Variants in SPON1 observed in about 807,000 individuals in gnomAD.
The protein encoded by SPON1 is spondin 1, also known as spondin-1.
Under a neutral mutation model 111.7 loss-of-function variants are expected in SPON1, and 52 were observed. That is an observed-to-expected ratio of 0.47 (90% CI 0.37 to 0.59). The LOEUF is 0.59. SPON1 is among the 20% of genes least tolerant of loss of function. The pLI is 0.00. For missense variants in SPON1, 957 were observed against 1,068.5 expected (o/e 0.90, Z 1.46); for synonymous variants, 410 against 395.8 (o/e 1.04, Z -0.43).
chr11:14,117,391 G>A (rs944783712), intron 5 of SPON1, among the ~76,000 whole-genome samples: 1 of 152,106 alleles, frequency 6.6e-6, no homozygotes, highest in Non-Finnish European at 1.5e-5. Context: ...TTTCTTATGT[G>A]AATGTATATC....
At chr11:14,024,457 G>T (rs1564888188) in intron 2 of SPON1, among the ~76,000 whole-genome samples, 1 of 152,010 alleles carries the variant, frequency 6.6e-6, no homozygotes, top group Non-Finnish European at 1.5e-5. Flanking sequence ...GAGTGGGAAG[G>T]TGGTCTTCCC....
intron 5 of SPON1, among the ~76,000 whole-genome samples, chr11:14,102,679 T>C (rs1412338380): frequency 6.6e-6 from 1 of 152,248 alleles, no homozygotes; most frequent in African/African-American, 2.4e-5. Flanking sequence ...TTGACTTTCA[T>C]GACACTGATG....
In SPON1 at chr11:14,255,726, A is replaced by G; in HGVS notation, c.1172A>G (p.Asp391Gly). Reference protein sequence around the residue: ...SLDHPQSPFYDPEGGSITQVA... With the variant: ...SLDHPQSPFYGPEGGSITQVA... ...GACCATCCTCAGAGTCCTTTCTATG[A>G]CCCAGAGGGTGGGTCCATCACTCAA... Residue 391 changes from aspartate to glycine, a missense_variant, in exon 9 of 16, where the codon GAC becomes GGC. Physicochemically the swap from Asp to Gly is moderately conservative, Grantham distance 94. Around this residue, in one of 5 missense-constraint regions of SPON1, gnomAD observed 549 missense variants for 606.2 expected, o/e 0.91. Coordinates refer to ENST00000576479, the MANE Select transcript of SPON1 (RefSeq NM_006108.4). The G allele has an allele frequency of 6.2e-7, 1 of 1,613,866 alleles. No homozygotes were observed. The highest frequency in any genetic ancestry group is 8.5e-7 in the Non-Finnish European group (1 of 1,179,860).
chr11:13,993,095 C>G (rs1432431822), intron 2 of SPON1, among the ~76,000 whole-genome samples: 1 of 147,748 alleles, frequency 6.8e-6, no homozygotes. Flanking sequence ...TACTTTGCTT[C>G]TTTATGAGTG....
chr11:14,149,456 A>G (rs1554929689), intron 6 of SPON1, among the ~76,000 whole-genome samples: 1 of 152,190 alleles, frequency 6.6e-6, no homozygotes, highest in African/African-American at 2.4e-5. Flanking sequence ...ATAAAGTAAA[A>G]AGTTAGAATA....
At chr11:14,171,806 G>C (rs1848104752) in intron 6 of SPON1, among the ~76,000 whole-genome samples, 1 of 152,198 alleles carries the variant, frequency 6.6e-6, no homozygotes, top group African/African-American at 2.4e-5. Context: ...GCGGTTTTGA[G>C]TGAGTTTCTT....
chr11:14,003,064 G>A (rs894920170), intron 2 of SPON1, among the ~76,000 whole-genome samples: 8 of 152,074 alleles, frequency 5.3e-5, no homozygotes, highest in African/African-American at 7.2e-5. Flanking sequence ...AATGGCCTCC[G>A]CGTTGTCCGT....
intron 2 of SPON1, among the ~76,000 whole-genome samples, chr11:14,037,080 G>A (rs888775170): frequency 2.0e-5 from 3 of 152,148 alleles, no homozygotes; most frequent in Admixed American, 1.3e-4. Flanking sequence ...GGAGGGGGAT[G>A]AAGAGTTAAG....
intron 4 of SPON1, among the ~76,000 whole-genome samples, chr11:14,076,189 A>T (rs1039601013): frequency 6.6e-6 from 1 of 152,218 alleles, no homozygotes; most frequent in African/African-American, 2.4e-5. Context: ...TTGACCTTAA[A>T]CATCGGAATG....
intron 6 of SPON1, among the ~76,000 whole-genome samples, chr11:14,171,821 C>G (rs1469271294): frequency 2.0e-5 from 3 of 152,116 alleles, no homozygotes; most frequent in African/African-American, 4.8e-5. Flanking sequence ...TTTCTTAATC[C>G]TGAGTTCTAG....
intron 7 of SPON1, among the ~76,000 whole-genome samples, chr11:14,249,309 C>G (rs1437123066): frequency 1.3e-5 from 2 of 152,186 alleles, no homozygotes; most frequent in Non-Finnish European, 2.9e-5. Flanking sequence ...CTCCCTGCCT[C>G]CTGCAACACC....
rs111726282 is a variant in SPON1 at position 14,220,860 on chromosome 11, A to T, written c.826-22472A>T. Among the ~76,000 whole-genome samples, 796 of 152,310 alleles carry T rather than the reference A, an allele frequency of 5.2e-3. 6 individuals are homozygous for T. The highest frequency in any genetic ancestry group is 0.018 in the African/African-American group (753 of 41,562). Reference sequence around the variant, plus strand: ...TGGTCACACCACTGTTTCCAGGAAAAATATAGCCCATTAACTGAACAGAAG... The same window carrying T: ...TGGTCACACCACTGTTTCCAGGAAATATATAGCCCATTAACTGAACAGAAG... On this transcript the variant is annotated intron_variant, in intron 6 of 15. Transcript: ENST00000576479.
At chr11:14,248,539 G>A (rs191298225) in intron 7 of SPON1, among the ~76,000 whole-genome samples, 155 of 152,180 alleles carry the variant, frequency 1.0e-3, no homozygotes, top group African/African-American at 3.5e-3. Flanking sequence ...TGCACTCGGC[G>A]CTACTGGCTT....
chr11:14,254,778 C>T (rs1554941020), intron 8 of SPON1, 49 bp downstream of exon 8: 3 of 1,563,168 alleles, frequency 1.9e-6, no homozygotes, highest in South Asian at 1.1e-5. Context: ...CTACCCGCTT[C>T]CTGAGTGTCC....
intron 2 of SPON1, among the ~76,000 whole-genome samples, chr11:13,998,638 T>C: frequency 6.6e-6 from 1 of 152,186 alleles, no homozygotes; most frequent in East Asian, 1.9e-4. Flanking sequence ...AACTGGGCCA[T>C]GTCTGTCTCT....
Position 14,262,790 on chromosome 11 carries a change from C to T in SPON1, c.2075C>T (p.Thr692Ile), listed in dbSNP as rs367841434. Residue 692 changes from threonine to isoleucine, a missense_variant, in exon 15 of 16, where the codon ACC becomes ATC. Thr to Ile is a moderately conservative substitution (Grantham distance 89, BLOSUM62 -1). Transcript: ENST00000576479. ...KSCGKGHVIR[T>I]RMIQMEPQFG... ...TGTGGGAAAGGCCACGTGATTCGAA[C>T]CCGGATGATCCAAATGGAGCCTCAG... 6.2e-6 allele frequency: 10 copies of T among 1,613,762 alleles called. No homozygotes were observed. Among genetic ancestry groups the T allele is most frequent in the Non-Finnish European group, 8.5e-6 (10 of 1,179,874 alleles).
chr11:14,226,081 A>G (rs1048941287), intron 6 of SPON1, among the ~76,000 whole-genome samples: 1 of 152,236 alleles, frequency 6.6e-6, no homozygotes, highest in African/African-American at 2.4e-5. Context: ...CTAACATTTA[A>G]TCTTTACAAC....
At chr11:14,137,039 A>G (rs901505199) in intron 6 of SPON1, among the ~76,000 whole-genome samples, 14 of 152,212 alleles carry the variant, frequency 9.2e-5, no homozygotes, top group African/African-American at 3.4e-4. Flanking sequence ...TTTGTTACAA[A>G]TAGTAGTTGA....
chr11:14,220,069 A>G (rs1368881172), intron 6 of SPON1, among the ~76,000 whole-genome samples: 1 of 148,734 alleles, frequency 6.7e-6, no homozygotes, highest in Non-Finnish European at 1.5e-5. Flanking sequence ...CCTGGGCAAC[A>G]GAGTGAGCAC....
Sources: allele counts gnomAD v4.1 joint callset (sites outside exome capture counted in the v4.1 genomes callset), GRCh38; gene constraint gnomAD v4.1.1; regional missense constraint gnomAD v4.1.1; transcripts MANE v1.5; gene names NCBI Gene and HGNC (gene_info 2026-07-23, HGNC 2026-07-21).